The following NPHP4 variants were observed in gnomAD, a reference collection of about 807,000 sequenced individuals.
NPHP4 encodes the protein nephrocystin-4.
Under a neutral mutation model 155.8 loss-of-function variants are expected in NPHP4, and 151 were observed. The observed-to-expected ratio is 0.97, with a 90% CI of 0.85 to 1.11. The LOEUF (loss-of-function observed/expected upper bound fraction) is 1.11. NPHP4 is among the 50% of genes least tolerant of loss of function. The probability of loss-of-function intolerance (pLI) is 0.00; values close to 1 mark genes in which losing one functional copy is unlikely to be tolerated. For synonymous variants in NPHP4, 845 were observed against 816.8 expected (o/e 1.03, Z -0.59); for missense variants, 1,956 against 1,925.7 (o/e 1.02, Z -0.29).
chr1:5,980,338 C>T (rs1246955016), intron 2 of NPHP4, among the ~76,000 whole-genome samples: 2 of 152,208 alleles, frequency 1.3e-5, no homozygotes, highest in African/African-American at 4.8e-5. Context: ...AAACCAGTCC[C>T]AGGTACATTC....
chr1:5,864,006 C>T lies in NPHP4; in HGVS notation c.4024G>A (p.Glu1342Lys), dbSNP rs769051741. ...KAFEIMLAAGEGKGVNKRITY... is the reference protein window; with the variant it reads ...KAFEIMLAAGKGKGVNKRITY... ...ATCCTCTTGTTGACACCCTTCCCTTCGCCCGCAGCCAACATGATCTCAAAG... is the reference window on the plus strand; with the variant it reads ...ATCCTCTTGTTGACACCCTTCCCTTTGCCCGCAGCCAACATGATCTCAAAG... Residue 1342 changes from glutamate to lysine, a missense_variant, in exon 29 of 30, where the codon GAA (glutamate) becomes AAA (lysine). Physicochemically the swap from Glu to Lys is moderately conservative, Grantham distance 56 (BLOSUM62 1). Coordinates refer to ENST00000378156, the MANE Select transcript of NPHP4 (RefSeq NM_015102.5). 2.5e-6 allele frequency: 4 copies of T among 1,613,540 alleles called. No homozygotes were observed. The highest frequency in any genetic ancestry group is 2.2e-5 in the East Asian group (1 of 44,868).
At chr1:5,964,592 A>C (rs1650998495) in intron 5 of NPHP4, among the ~76,000 whole-genome samples, 1 of 152,080 alleles carries the variant, frequency 6.6e-6, no homozygotes, top group South Asian at 2.1e-4. Flanking sequence ...CCCGGCCTGT[A>C]CCCAGTCCTT....
chr1:5,921,881 C>T (rs148325861), intron 11 of NPHP4, among the ~76,000 whole-genome samples: 3 of 152,366 alleles, frequency 2.0e-5, no homozygotes, highest in African/African-American at 7.2e-5. Context: ...TCACGCCACA[C>T]CATTTACTGA....
Position 5,905,887 on chromosome 1 carries a change from G to C in NPHP4, c.1612-104C>G. ...GATTCATCGATTAATTGCCTCTGGA[G>C]GGTTGCCAGCTCTAGCAAATACAAA... On this transcript the variant is annotated intron_variant, in intron 13 of 29. Transcript: ENST00000378156. This position sits in a 1 kb window ranked among gnomAD's most constrained non-coding sequence, Gnocchi z 4.0. 1 of 1,096,684 alleles carries C rather than the reference G, an allele frequency of 9.1e-7. No homozygotes were observed. Among genetic ancestry groups the C allele is most frequent in the Non-Finnish European group, 1.3e-6 (1 of 769,292 alleles). 67.9% of individuals were successfully genotyped at this position (1,096,684 alleles called of 1,614,324 possible).
intron 2 of NPHP4, among the ~76,000 whole-genome samples, chr1:5,982,693 C>T (rs2102419181): frequency 6.6e-6 from 1 of 152,328 alleles, no homozygotes; most frequent in Non-Finnish European, 1.5e-5. Flanking sequence ...TAAAGCTATA[C>T]ATTTCCCTCA....
intron 4 of NPHP4, among the ~76,000 whole-genome samples, chr1:5,968,604 G>T (rs1557859175): frequency 1.5e-5 from 2 of 137,690 alleles, no homozygotes; most frequent in Non-Finnish European, 3.2e-5. Flanking sequence ...CTGTCTCGAA[G>T]AAAAAAAAAA....
intron 16 of NPHP4, among the ~76,000 whole-genome samples, chr1:5,902,776 A>C (rs938726579): frequency 2.0e-5 from 3 of 152,236 alleles, no homozygotes; most frequent in Non-Finnish European, 4.4e-5. Context: ...TTGATATGCA[A>C]TATTATTTTG....
chr1:5,912,068 A>G (rs1302612066), intron 11 of NPHP4, among the ~76,000 whole-genome samples: 1 of 152,236 alleles, frequency 6.6e-6, no homozygotes, highest in African/African-American at 2.4e-5. Context: ...GACGAGCACA[A>G]GGCTGTCTGG....
At position 5,863,963 on chromosome 1, in the gene NPHP4, T is replaced by A. The variant is rs747071185; in HGVS notation, c.4067A>T (p.Tyr1356Phe). ...CAGGTGGAATGTCCTCCGGGAGGGG[T>A]AGGGGTTGGTGTAGGTGATCCTCTT... ...VNKRITYTNP[Y>F]PSRRTFHLHS... Residue 1356 changes from tyrosine to phenylalanine, a missense_variant, in exon 29 of 30, where the codon TAC becomes TTC. Tyr to Phe is a conservative substitution (Grantham distance 22). Transcript: ENST00000378156. The A allele has an allele frequency of 4.3e-6, 7 of 1,613,246 alleles. No homozygotes were observed. The highest frequency in any genetic ancestry group is 5.9e-6 in the Non-Finnish European group (7 of 1,179,644).
intron 23 of NPHP4, among the ~76,000 whole-genome samples, chr1:5,871,444 T>G (rs1430057039): frequency 1.3e-5 from 2 of 152,150 alleles, no homozygotes; most frequent in Non-Finnish European, 2.9e-5. Context: ...ATTTGAAAAT[T>G]GATAAAGGGA....
Position 5,863,514 on chromosome 1 carries a change from G to A in NPHP4, c.4141-109C>T, listed in dbSNP as rs1260544258. On this transcript the variant is annotated intron_variant, in intron 29 of 29. Coordinates refer to ENST00000378156, the MANE Select transcript of NPHP4 (RefSeq NM_015102.5). ...ATTTCCAAGGGGAGCTGACAAGGCA[G>A]GGGAGCCCTGCGGGTGCATCCAAGG... is the stretch of plus-strand genomic sequence containing the variant. 6 of 1,404,458 alleles carry A rather than the reference G, an allele frequency of 4.3e-6. No homozygotes were observed. The Admixed American group carries it at 9.0e-5, about 21-fold the overall frequency. The allele number at this position is 1,404,458 out of a possible 1,614,324, so 87.0% of individuals were successfully genotyped here. A position where few individuals can be genotyped will look rare whatever the true frequency, so the allele number is the denominator to read the frequency against.
At chr1:5,922,783 C>T (rs1028734867) in intron 11 of NPHP4, among the ~76,000 whole-genome samples, 2 of 145,954 alleles carry the variant, frequency 1.4e-5, no homozygotes, top group Admixed American at 1.4e-4. Flanking sequence ...CTGGCTTAGC[C>T]GGGCACGGTG....
At chr1:5,901,809 A>T (rs1313758330) in intron 16 of NPHP4, among the ~76,000 whole-genome samples, 2 of 152,210 alleles carry the variant, frequency 1.3e-5, no homozygotes, top group Non-Finnish European at 2.9e-5. Context: ...CAAATGCATT[A>T]GTCTGATCCA....
intron 2 of NPHP4, among the ~76,000 whole-genome samples, chr1:5,982,366 T>C (rs1654848235): frequency 6.6e-6 from 1 of 152,230 alleles, no homozygotes; most frequent in Non-Finnish European, 1.5e-5. Flanking sequence ...TAATGTGCCA[T>C]ACAGGTTTGT....
intron 5 of NPHP4, among the ~76,000 whole-genome samples, chr1:5,965,156 C>G (rs1207959353): frequency 6.6e-6 from 1 of 151,656 alleles, no homozygotes; most frequent in East Asian, 1.9e-4. Flanking sequence ...TGGTCTCAAA[C>G]TCCTGGCCTT....
chr1:5,877,203 C>T lies in NPHP4; in HGVS notation c.2707G>A (p.Asp903Asn). ...THARQGKGPQ[D>N]VSRESDATRR... ...GTGGCATCCGACTCGCGGCTGACGT[C>T]CTGGGGCCCCTTGCCCTGCCGGGCA... Residue 903 changes from aspartate (D) to asparagine (N), a missense_variant, in exon 20 of 30, where the codon GAC (aspartate) becomes AAC (asparagine). Physicochemically the swap from Asp to Asn is conservative, Grantham distance 23 (BLOSUM62 1). Coordinates refer to ENST00000378156, the MANE Select transcript of NPHP4 (RefSeq NM_015102.5). 6.2e-7 allele frequency: 1 copy of T among 1,606,292 alleles called. No homozygotes were observed.
chr1:5,873,780 TCA>T (rs751626900), intron 22 of NPHP4: 24 of 280,918 alleles, frequency 8.5e-5, no homozygotes, highest in Admixed American at 3.2e-4. Flanking sequence ...CAGGCACACC[TCA>T]CACACCACCC....
At chr1:5,926,836 A>C (rs191246595) in intron 11 of NPHP4, among the ~76,000 whole-genome samples, 13 of 152,316 alleles carry the variant, frequency 8.5e-5, no homozygotes, top group Non-Finnish European at 1.5e-4. Flanking sequence ...CCGGGCTTGC[A>C]CGTTTGCTCA....
chr1:5,952,017 C>T (rs1247416806), intron 7 of NPHP4, among the ~76,000 whole-genome samples: 3 of 152,348 alleles, frequency 2.0e-5, no homozygotes, highest in South Asian at 2.1e-4. Flanking sequence ...AAGCCTCTGC[C>T]TAACAGATGG....
Sources: allele counts gnomAD v4.1 joint callset (sites outside exome capture counted in the v4.1 genomes callset), GRCh38; gene constraint gnomAD v4.1.1; non-coding constraint Gnocchi (gnomAD v3.1); transcripts MANE v1.5; gene names NCBI Gene and HGNC (gene_info 2026-07-23, HGNC 2026-07-21).